The following ADAMTSL1 variants were observed in gnomAD, a reference collection of about 807,000 sequenced individuals.
The protein encoded by ADAMTSL1 is ADAMTS like 1.
In ADAMTSL1, 126 loss-of-function variants were observed where a neutral mutation model predicts 201.8. The observed-to-expected ratio is 0.62, with a 90% CI of 0.54 to 0.72. The LOEUF (loss-of-function observed/expected upper bound fraction) is 0.72. ADAMTSL1 is among the 30% of genes least tolerant of loss of function. The pLI is 0.00. For synonymous variants in ADAMTSL1, 1,121 were observed against 903.4 expected, an observed-to-expected ratio of 1.24 and a Z score of -4.32; for missense variants, 2,679 against 2,277.8, an observed-to-expected ratio of 1.18 and a Z score of -3.59.
chr9:18,091,327 G>A (rs916129098), intron 1 of ADAMTSL1, among the ~76,000 whole-genome samples: 6 of 152,056 alleles, frequency 3.9e-5, no homozygotes, highest in African/African-American at 1.4e-4. Context: ...TCTGGCTGAA[G>A]TGTCATGATA....
chr9:18,750,894 A>C (rs1438560097), intron 15 of ADAMTSL1, among the ~76,000 whole-genome samples: 8 of 152,228 alleles, frequency 5.3e-5, no homozygotes, highest in Admixed American at 5.2e-4. Flanking sequence ...CTGCAGTTTC[A>C]CACACGAACT....
At chr9:18,668,854 C>T (rs574507096) in intron 9 of ADAMTSL1, among the ~76,000 whole-genome samples, 3 of 152,278 alleles carry the variant, frequency 2.0e-5, no homozygotes, top group Admixed American at 6.5e-5. Flanking sequence ...CCTAGGTTAG[C>T]GGGCTGGGGG....
At chr9:18,334,749 C>G (rs988073497) in intron 2 of ADAMTSL1, among the ~76,000 whole-genome samples, 3 of 152,028 alleles carry the variant, frequency 2.0e-5, no homozygotes, top group Non-Finnish European at 4.4e-5. Flanking sequence ...CAACAGAAAC[C>G]AAATAGAATA....
rs202153767 is a variant in ADAMTSL1 at position 17,909,747 on chromosome 9, T to C, written c.87+2825T>C. ...TATCACAAAACAAAAAACCAAACACTGCATATTCTCACTCATAGGTGGGAA... is the reference window on the plus strand; with the variant it reads ...TATCACAAAACAAAAAACCAAACACCGCATATTCTCACTCATAGGTGGGAA... On this transcript the variant is annotated intron_variant, in intron 1 of 29. Coordinates refer to the ADAMTSL1 transcript ENST00000680146. 1.1e-4 allele frequency among the ~76,000 whole-genome samples: 7 copies of C among 64,998 alleles called. 2 individuals carry two copies. Among genetic ancestry groups the C allele is most frequent in the South Asian group, 2.1e-3 (2 of 936 alleles). The allele number at this position is 64,998 out of a possible 152,430, so 42.6% of individuals were successfully genotyped here.
chr9:17,909,041 T>C (rs565966452), intron 1 of ADAMTSL1, among the ~76,000 whole-genome samples: 78 of 149,914 alleles, frequency 5.2e-4, no homozygotes, highest in African/African-American at 1.6e-3. Flanking sequence ...TATCTCATTG[T>C]GGTTTTGATT....
At chr9:18,763,153 A>G (rs573955477) in intron 16 of ADAMTSL1, among the ~76,000 whole-genome samples, 21 of 152,342 alleles carry the variant, frequency 1.4e-4, no homozygotes, top group African/African-American at 5.1e-4. Flanking sequence ...TTTGGTCCAC[A>G]TCCTCTCCAG....
chr9:18,106,011 A>G (rs1824746524), intron 1 of ADAMTSL1, among the ~76,000 whole-genome samples: 1 of 152,144 alleles, frequency 6.6e-6, no homozygotes, highest in South Asian at 2.1e-4. Flanking sequence ...TTATGTACAG[A>G]TGTTTCTTAT....
At chr9:17,997,987 A>T (rs1000295339) in intron 1 of ADAMTSL1, among the ~76,000 whole-genome samples, 1 of 152,048 alleles carries the variant, frequency 6.6e-6, no homozygotes, top group Admixed American at 6.6e-5. Flanking sequence ...TAATAGAAAT[A>T]GAAGCAGTAT....
At chr9:18,266,223 T>G (rs1291893836) in intron 2 of ADAMTSL1, among the ~76,000 whole-genome samples, 3 of 152,198 alleles carry the variant, frequency 2.0e-5, no homozygotes, top group Non-Finnish European at 4.4e-5. Context: ...TGTATTTCTT[T>G]GCTGGTGTAA....
intron 2 of ADAMTSL1, among the ~76,000 whole-genome samples, chr9:18,386,574 A>G (rs1006364965): frequency 6.6e-6 from 1 of 152,092 alleles, no homozygotes; most frequent in African/African-American, 2.4e-5. Context: ...TTTCTACTTG[A>G]CAGAAGGTTT....
intron 2 of ADAMTSL1, among the ~76,000 whole-genome samples, chr9:18,273,365 G>A (rs1832461142): frequency 6.9e-6 from 1 of 145,622 alleles, no homozygotes; most frequent in Non-Finnish European, 1.5e-5. Context: ...GCAAGAGTGA[G>A]TCATCACGCC....
intron 7 of ADAMTSL1, among the ~76,000 whole-genome samples, chr9:18,654,425 T>C (rs1828493774): frequency 6.6e-6 from 1 of 152,214 alleles, no homozygotes; most frequent in South Asian, 2.1e-4. Flanking sequence ...GAAAGGTATA[T>C]AATTCAATTG....
At chr9:18,151,037 T>G (rs1288582406) in intron 1 of ADAMTSL1, among the ~76,000 whole-genome samples, 2 of 152,016 alleles carry the variant, frequency 1.3e-5, no homozygotes, top group East Asian at 1.9e-4. Flanking sequence ...GGGCAACATT[T>G]AAAACCATTC....
rs1280236981 is a variant in ADAMTSL1 at position 18,588,904 on chromosome 9, C to CATATATATATATATATATACATATAT, written c.474+14647_474+14648insTATATATATACATATATATATATATA. ...ATATACATATATATATATATATATA[C>CATATATATATATATATATACATATAT]ATATATATACACATTTTTTTTTTGA... On this transcript the variant is annotated intron_variant, in intron 4 of 28. Coordinates refer to ENST00000380548, the MANE Select transcript of ADAMTSL1 (RefSeq NM_001040272.6). 4.0e-5 allele frequency among the ~76,000 whole-genome samples: 5 copies of CATATATATATATATATATACATATAT among 124,612 alleles called. 1 individual carries two copies. The highest frequency in any genetic ancestry group is 3.2e-4 in the Admixed American group (4 of 12,428). 81.8% of individuals were successfully genotyped at this position (124,612 alleles called of 152,430 possible). A position where few individuals can be genotyped will look rare whatever the true frequency, so the allele number is the denominator to read the frequency against.
At chr9:18,204,579 C>T (rs531509385) in intron 2 of ADAMTSL1, among the ~76,000 whole-genome samples, 2 of 152,226 alleles carry the variant, frequency 1.3e-5, no homozygotes, top group East Asian at 3.9e-4. Context: ...GACTTTCATG[C>T]CCAGCATGTT....
In ADAMTSL1 at chr9:18,721,560, G is replaced by A. The variant is rs1409538647; in HGVS notation, c.1901G>A (p.Cys634Tyr). 1 of 1,613,832 alleles carries A rather than the reference G, an allele frequency of 6.2e-7. No homozygotes were observed. The highest frequency in any genetic ancestry group is 2.2e-5 in the East Asian group (1 of 44,886). ...GGTGTCCAGGAGGCTGTGGTGAGCT[G>A]CTTGAACAAACAGACTCGGGAGCCT... ...GGGVQEAVVS[C>Y]LNKQTREPAE... Residue 634 changes from cysteine to tyrosine, a missense_variant, in exon 15 of 29, where the codon TGC becomes TAC. Cys to Tyr is a radical substitution (Grantham distance 194, BLOSUM62 -2). Coordinates refer to ENST00000380548, the MANE Select transcript of ADAMTSL1 (RefSeq NM_001040272.6).
chr9:18,445,058 C>T (rs867506092), intron 2 of ADAMTSL1, among the ~76,000 whole-genome samples: 1 of 152,122 alleles, frequency 6.6e-6, no homozygotes, highest in African/African-American at 2.4e-5. Flanking sequence ...GTCAGTTGAA[C>T]TCCAAAGCTC....
chr9:18,537,476 G>A (rs1024546280), intron 3 of ADAMTSL1, among the ~76,000 whole-genome samples: 20 of 152,184 alleles, frequency 1.3e-4, no homozygotes, highest in African/African-American at 4.6e-4. Context: ...GCAAGAGGAA[G>A]AGTATTGGAA....
At chr9:17,993,352 A>G (rs1241048131) in intron 1 of ADAMTSL1, among the ~76,000 whole-genome samples, 1 of 152,160 alleles carries the variant, frequency 6.6e-6, no homozygotes, top group Non-Finnish European at 1.5e-5. Flanking sequence ...TTCTCTACAT[A>G]TGTTTTCTGA....
Sources: allele counts gnomAD v4.1 joint callset (sites outside exome capture counted in the v4.1 genomes callset), GRCh38; gene constraint gnomAD v4.1.1; transcripts MANE v1.5; gene names NCBI Gene and HGNC (gene_info 2026-07-23, HGNC 2026-07-21).